TIAL1: variants seen among roughly 807,000 people sequenced by gnomAD.
TIAL1 encodes TIA1 cytotoxic granule associated RNA binding protein like 1.
A neutral mutation model predicts 59.7 loss-of-function variants in TIAL1; 7 were observed. The ratio of observed to expected loss-of-function variants is 0.12; its 90% confidence interval spans 0.07 to 0.22. The LOEUF (loss-of-function observed/expected upper bound fraction) is 0.22, where lower values mean the gene tolerates loss of function less well. Among genes scored for constraint, TIAL1 ranks in the 10% least tolerant of loss-of-function variants. The pLI, the probability that TIAL1 is intolerant of heterozygous loss-of-function variation, is 1.00. For missense variants in TIAL1, 225 were observed against 462.5 expected (o/e 0.49, Z 4.71); for synonymous variants, 149 against 146.3 (o/e 1.02, Z -0.13).
intron 1 of TIAL1, among the ~76,000 whole-genome samples, chr10:119,594,294 CTTA>C (rs1231908703): frequency 1.3e-5 from 2 of 152,124 alleles, no homozygotes; most frequent in Non-Finnish European, 2.9e-5. Context: ...AAGAAGTTAG[CTTA>C]TTATTCCCCT....
At chr10:119,594,815 G>A (rs898026743) in intron 1 of TIAL1, among the ~76,000 whole-genome samples, 1 of 152,060 alleles carries the variant, frequency 6.6e-6, no homozygotes, top group African/African-American at 2.4e-5. Context: ...TGTAGAGACG[G>A]AGTTTCACCG....
intron 2 of TIAL1, 65 bp downstream of exon 2, chr10:119,588,087 T>C: frequency 1.0e-6 from 1 of 997,302 alleles, no homozygotes; most frequent in Non-Finnish European, 1.4e-6. Context: ...TACAATGAAA[T>C]TTTAAAATCA....
chr10:119,589,486 G>A (rs1002157222), intron 1 of TIAL1, among the ~76,000 whole-genome samples: 4 of 152,298 alleles, frequency 2.6e-5, no homozygotes, highest in Non-Finnish European at 2.9e-5. Context: ...GATTACAGGA[G>A]TGAGCCACCA....
chr10:119,577,241 T>A, intron 9 of TIAL1, 38 bp from the exon 10 acceptor site: 1 of 1,572,522 alleles, frequency 6.4e-7, no homozygotes, highest in South Asian at 1.2e-5. Context: ...TCTTTTATTT[T>A]TTAAGAACCT....
At chr10:119,591,613 T>C (rs981349737) in intron 1 of TIAL1, among the ~76,000 whole-genome samples, 3 of 152,198 alleles carry the variant, frequency 2.0e-5, no homozygotes, top group Non-Finnish European at 2.9e-5. Flanking sequence ...TCAAATTATC[T>C]CCACTAAAAG....
In TIAL1 at chr10:119,575,629, C is replaced by G. The variant is rs748747035; in HGVS notation, c.*36G>C. 6.2e-6 allele frequency: 10 copies of G among 1,611,780 alleles called. No individual in the cohort carries two copies. The South Asian group carries it at 9.9e-5, about 16-fold the overall frequency. ...TCAGAGTGTCACAGGAAATCGAAGC[C>G]TATCATGAATTACAATTTTTTTTTA... On this transcript the variant is annotated 3_prime_UTR_variant, in exon 12 of 12. Transcript: ENST00000436547.
chr10:119,594,223 C>T (rs1846036386), intron 1 of TIAL1, among the ~76,000 whole-genome samples: 1 of 152,050 alleles, frequency 6.6e-6, no homozygotes, highest in Non-Finnish European at 1.5e-5. Context: ...ACATAGACAA[C>T]TTAACTGTTT....
intron 2 of TIAL1, among the ~76,000 whole-genome samples, chr10:119,585,026 G>A (rs1046845328): frequency 8.0e-5 from 12 of 150,854 alleles, no homozygotes; most frequent in African/African-American, 2.4e-4. Context: ...GGGAGGCTGA[G>A]GCAGGAGAAT....
rs1225756007 is a variant in TIAL1, at chr10:119,574,529, C to T, written c.*1136G>A. The T allele has an allele frequency of 8.2e-6, 1 of 121,440 alleles. No individual in the cohort carries two copies. Among genetic ancestry groups the T allele is most frequent in the Non-Finnish European group, 1.6e-5 (1 of 61,456 alleles). The allele number at this position is 121,440 out of a possible 1,614,324, so 7.5% of individuals were successfully genotyped here. A position where few individuals can be genotyped will look rare whatever the true frequency, so the allele number is the denominator to read the frequency against. ...CTTGTACTATACAACTTATAGTAAC[C>T]TTGAAATTGGTTTACAAGGTTTTAA... On this transcript the variant is annotated 3_prime_UTR_variant, in exon 12 of 12. Coordinates refer to ENST00000436547, the MANE Select transcript of TIAL1 (RefSeq NM_003252.4).
rs764906851 is a variant in TIAL1 at position 119,577,157 on chromosome 10, C to T, written c.784G>A (p.Gly262Ser). 8 of 1,613,102 alleles carry T rather than the reference C, an allele frequency of 5.0e-6. No individual in the cohort carries two copies. The highest frequency in any genetic ancestry group is 2.2e-5 in the South Asian group (2 of 90,668). The change falls in exon 10 of 12, where the codon GGT becomes AGT. Residue 262 changes from glycine (G) to serine (S), a missense_variant. Around this residue, in one of 4 missense-constraint regions of TIAL1, gnomAD observed 80 missense variants for 158.8 expected, o/e 0.50. Coordinates refer to ENST00000436547, the MANE Select transcript of TIAL1 (RefSeq NM_003252.4). ...ACCACATGTCCTTCAATCGTAGTACCGTTCACCGAAACAATGGCATGGGCT... is the reference window on the plus strand; with the variant it reads ...ACCACATGTCCTTCAATCGTAGTACTGTTCACCGAAACAATGGCATGGGCT... The part of the protein sequence containing the change: ...SAAHAIVSVN[G>S]TTIEGHVVKC...
chr10:119,587,923 A>T (rs999345825), intron 2 of TIAL1, among the ~76,000 whole-genome samples: 1 of 152,242 alleles, frequency 6.6e-6, no homozygotes, highest in Non-Finnish European at 1.5e-5. Flanking sequence ...GAATCACTTC[A>T]AGATAACCAC....
At chr10:119,580,532 TG>T in intron 5 of TIAL1, 2 of 1,012,194 alleles carry the variant, frequency 2.0e-6, no homozygotes, top group Admixed American at 5.5e-5. Context: ...TTTTGGAGTT[TG>T]GGCAGCTGTA....
intron 1 of TIAL1, among the ~76,000 whole-genome samples, chr10:119,593,809 C>T (rs955697411): frequency 2.0e-5 from 3 of 151,986 alleles, no homozygotes; most frequent in Admixed American, 6.5e-5. Flanking sequence ...ATAAAAATCC[C>T]AATTGTTAAA....
intron 1 of TIAL1, chr10:119,593,345 T>C (rs1845987409): frequency 2.6e-6 from 1 of 389,576 alleles, no homozygotes; most frequent in Non-Finnish European, 3.5e-6. Flanking sequence ...TTAAAGCAAC[T>C]ATATGACAAA....
intron 1 of TIAL1, among the ~76,000 whole-genome samples, 179 bp downstream of exon 1, chr10:119,596,255 G>A (rs1050111431): frequency 4.6e-5 from 7 of 152,188 alleles, no homozygotes; most frequent in African/African-American, 1.7e-4. Flanking sequence ...TTGGGGGAAG[G>A]GAGGATTTCC....
At chr10:119,587,202 C>T (rs1394537455) in intron 2 of TIAL1, among the ~76,000 whole-genome samples, 3 of 152,216 alleles carry the variant, frequency 2.0e-5, no homozygotes, top group Non-Finnish European at 2.9e-5. Context: ...TTTCCATAAA[C>T]TCCTGCCATC....
At chr10:119,576,997 T>C (rs752264829) in intron 10 of TIAL1, 83 bp downstream of exon 10, 138 of 1,525,138 alleles carry the variant, frequency 9.0e-5, no homozygotes, top group Non-Finnish European at 1.2e-4. Context: ...CTTTATTTTA[T>C]TGTTCATTTT....
rs540258185 is a variant in TIAL1, at chr10:119,591,206, C to G, written c.33-2958G>C. Among the ~76,000 whole-genome samples, 6 of 152,128 alleles carry G rather than the reference C, an allele frequency of 3.9e-5. No individual in the cohort carries two copies. The East Asian group carries it at 1.2e-3, about 29-fold the overall frequency. On this transcript the variant is annotated intron_variant, in intron 1 of 11. Coordinates refer to ENST00000436547, the MANE Select transcript of TIAL1 (RefSeq NM_003252.4). ...ATCACTTGAGGTCAGGAGTTCAAGA[C>G]CAGCCTGGCCAACATGGTGAAACCC...
chr10:119,593,869 T>A lies in TIAL1; in HGVS notation c.32+2565A>T, dbSNP rs373358172. On this transcript the variant is annotated intron_variant, in intron 1 of 11. Coordinates refer to ENST00000436547, the MANE Select transcript of TIAL1 (RefSeq NM_003252.4). ...ACATTTGAAGGTTTTAAAAAATATA[T>A]AAAAGTCAACAGACTGCACCACATG... Among the ~76,000 whole-genome samples, 7 of 152,340 alleles carry A rather than the reference T, an allele frequency of 4.6e-5. No homozygotes were observed. In the South Asian group the frequency reaches 1.2e-3, roughly 27 times the overall value.
Sources: gnomAD v4.1 joint callset for allele counts (sites outside exome capture counted in the v4.1 genomes callset) on GRCh38, gnomAD v4.1.1 for gene constraint, gnomAD v4.1.1 regional missense constraint, MANE v1.5 for transcripts, NCBI Gene and HGNC (gene_info 2026-07-23, HGNC 2026-07-21) for gene names.